ZNF599: variants seen among roughly 807,000 people sequenced by gnomAD.
The protein encoded by ZNF599 is zinc finger protein 599.
A neutral mutation model predicts 11.7 loss-of-function variants in ZNF599; 10 were observed. That is an observed-to-expected ratio of 0.86 (90% CI 0.53 to 1.45). The LOEUF (loss-of-function observed/expected upper bound fraction) is 1.45. Ranked by LOEUF, ZNF599 falls within the 40% of genes most tolerant of loss-of-function variation. The pLI, the probability that ZNF599 is intolerant of heterozygous loss-of-function variation, is 0.00. For synonymous variants in ZNF599, 232 were observed against 253.2 expected, an observed-to-expected ratio of 0.92 and a Z score of 0.79; for missense variants, 688 against 713.6, an observed-to-expected ratio of 0.96 and a Z score of 0.41.
At chr19:34,768,733 C>T (rs113569601) in intron 2 of ZNF599, among the ~76,000 whole-genome samples, 5 of 152,302 alleles carry the variant, frequency 3.3e-5, no homozygotes, top group Admixed American at 1.3e-4. Flanking sequence ...TTTGAGGCTA[C>T]TCTTTCTACT....
intron 1 of ZNF599, among the ~76,000 whole-genome samples, chr19:34,771,288 CT>C (rs2069182426): frequency 1.3e-5 from 2 of 152,108 alleles, no homozygotes; most frequent in African/African-American, 4.8e-5. Flanking sequence ...GGCTTTTATG[CT>C]CGACATACTG....
At chr19:34,803,638 A>G in the ZNF599 span, among the ~76,000 whole-genome samples, 1 of 152,120 alleles carries the variant, frequency 6.6e-6, no homozygotes, top group Non-Finnish European at 1.5e-5. Context: ...ACTCCCTCCT[A>G]TCACCCATTA....
At chr19:34,787,373 A>G in the ZNF599 span, among the ~76,000 whole-genome samples, 1 of 152,244 alleles carries the variant, frequency 6.6e-6, no homozygotes, top group Non-Finnish European at 1.5e-5. Flanking sequence ...AAATGCATCA[A>G]GCAGCCTCAG....
the ZNF599 span, among the ~76,000 whole-genome samples, chr19:34,796,178 T>C: frequency 6.6e-6 from 1 of 152,170 alleles, no homozygotes; most frequent in Admixed American, 6.5e-5. Flanking sequence ...AGTGTAGCTC[T>C]TGGTGTCCTC....
chr19:34,786,016 C>G, the ZNF599 span, among the ~76,000 whole-genome samples: 63 of 152,214 alleles, frequency 4.1e-4, no homozygotes, highest in African/African-American at 1.4e-3. Flanking sequence ...CTGGAGGATC[C>G]TGGCAGAACC....
At chr19:34,775,352 T>C (rs759607290), upstream of ZNF599, among the ~76,000 whole-genome samples, 4 of 152,178 alleles carry the variant, frequency 2.6e-5, no homozygotes, top group Non-Finnish European at 4.4e-5. Flanking sequence ...CAATACAGCA[T>C]GGAGGAACAC....
chr19:34,782,656 T>TCC, the ZNF599 span, among the ~76,000 whole-genome samples: 1 of 152,136 alleles, frequency 6.6e-6, no homozygotes, highest in Non-Finnish European at 1.5e-5. Context: ...GGGCCCATGC[T>TCC]CCAGCTGTGA....
chr19:34,768,989 G>T (rs137913613), intron 2 of ZNF599, among the ~76,000 whole-genome samples: 1 of 152,220 alleles, frequency 6.6e-6, no homozygotes, highest in South Asian at 2.1e-4. Flanking sequence ...AGGAGCCAAA[G>T]AGACCTTTCA....
At chr19:34,762,257 A>AG (rs1183409169) in intron 3 of ZNF599, among the ~76,000 whole-genome samples, 1 of 152,200 alleles carries the variant, frequency 6.6e-6, no homozygotes, top group Non-Finnish European at 1.5e-5. Context: ...TCTTGGTAAT[A>AG]GGGGAAAAAC....
chr19:34,781,676 A>G, the ZNF599 span, among the ~76,000 whole-genome samples: 1 of 152,214 alleles, frequency 6.6e-6, no homozygotes, highest in East Asian at 1.9e-4. Flanking sequence ...TGCAGAAATG[A>G]TAGAGGCAGG....
chr19:34,800,978 A>G, the ZNF599 span, among the ~76,000 whole-genome samples: 1 of 151,856 alleles, frequency 6.6e-6, no homozygotes, highest in Non-Finnish European at 1.5e-5. Context: ...CGTTTTTCCA[A>G]TAGAGCCCTT....
chr19:34,784,290 C>T, the ZNF599 span, among the ~76,000 whole-genome samples: 18,414 of 152,178 alleles, frequency 0.12, 1,195 homozygotes, highest in Middle Eastern at 0.18. Flanking sequence ...GTGTCTGTCT[C>T]AGGGTCCACA....
At chr19:34,784,736 C>T in the ZNF599 span, among the ~76,000 whole-genome samples, 1 of 151,942 alleles carries the variant, frequency 6.6e-6, no homozygotes, top group Non-Finnish European at 1.5e-5. Flanking sequence ...TAAGCCTCAA[C>T]ATCCATCTCG....
chr19:34,793,332 T>C, the ZNF599 span, among the ~76,000 whole-genome samples: 7 of 152,046 alleles, frequency 4.6e-5, no homozygotes, highest in African/African-American at 1.7e-4. Flanking sequence ...ACCAGGGATG[T>C]TGTGAGGGCT....
chr19:34,802,627 C>A, the ZNF599 span, among the ~76,000 whole-genome samples: 2 of 152,098 alleles, frequency 1.3e-5, no homozygotes, highest in Non-Finnish European at 2.9e-5. Flanking sequence ...CTAGAAATGG[C>A]AAGCTGCTAG....
At chr19:34,777,498 T>C (rs1372608894), upstream of ZNF599, among the ~76,000 whole-genome samples, 1 of 110,222 alleles carries the variant, frequency 9.1e-6, no homozygotes, top group Admixed American at 1.3e-4. Flanking sequence ...ATATGATATA[T>C]ATTAATATAT....
chr19:34,804,036 G>T, the ZNF599 span, among the ~76,000 whole-genome samples: 1 of 152,108 alleles, frequency 6.6e-6, no homozygotes, highest in African/African-American at 2.4e-5. Context: ...ACCTCCAATG[G>T]CTTTCACTGC....
chr19:34,783,726 G>C, the ZNF599 span, among the ~76,000 whole-genome samples: 325 of 152,272 alleles, frequency 2.1e-3, no homozygotes, highest in African/African-American at 7.3e-3. Flanking sequence ...CCATCTCCCA[G>C]TGTCAGCAAG....
Position 34,769,516 on chromosome 19 carries a change from C to A in ZNF599, c.58G>T (p.Gly20Ter). The change falls in exon 2 of 4, where the codon GGA (glycine) becomes TGA (stop). Residue 20 changes from glycine to a stop codon, truncating the protein, a stop_gained. Coordinates refer to ENST00000329285, the MANE Select transcript of ZNF599 (RefSeq NM_001007248.3). LOFTEE classifies it high-confidence loss of function. ...SFEDVVVTFT[G>*]EEWGHLDLAQ... ...AGGTCCAGGTGCCCCCATTCCTCTCCAGTGAAGGTCACAACCACGTCTTCA... is the reference window on the plus strand; with the variant it reads ...AGGTCCAGGTGCCCCCATTCCTCTCAAGTGAAGGTCACAACCACGTCTTCA... 1 of 1,614,212 alleles carries A rather than the reference C, an allele frequency of 6.2e-7. No homozygotes were observed. The highest frequency in any genetic ancestry group is 1.1e-5 in the South Asian group (1 of 91,084).
Sources: gnomAD v4.1 joint callset for allele counts (sites outside exome capture counted in the v4.1 genomes callset) on GRCh38, gnomAD v4.1.1 for gene constraint, MANE v1.5 for transcripts, NCBI Gene and HGNC (gene_info 2026-07-23, HGNC 2026-07-21) for gene names.